MRM1: variants seen among roughly 807,000 people sequenced by gnomAD.
The protein encoded by MRM1 is mitochondrial rRNA methyltransferase 1.
MRM1 carries 24 observed loss-of-function variants against 25.0 expected under a neutral mutation model. That is an observed-to-expected ratio of 0.96 (90% CI 0.69 to 1.35). The LOEUF (loss-of-function observed/expected upper bound fraction) is 1.35, where lower values mean the gene tolerates loss of function less well. Among genes scored for constraint, MRM1 ranks in the 40% most tolerant of loss-of-function variants. MRM1 has a pLI of 0.00. For missense variants in MRM1, 431 were observed against 464.1 expected, an observed-to-expected ratio of 0.93 and a Z score of 0.65; for synonymous variants, 188 against 199.2, an observed-to-expected ratio of 0.94 and a Z score of 0.47.
the MRM1 span, among the ~76,000 whole-genome samples, chr17:36,619,727 C>T: frequency 6.6e-6 from 1 of 151,514 alleles, no homozygotes; most frequent in Admixed American, 6.6e-5. Flanking sequence ...AGTGGGATTG[C>T]TGATCCGATT....
At chr17:36,606,685 G>T (rs1402968808) in intron 2 of MRM1, among the ~76,000 whole-genome samples, 1 of 149,522 alleles carries the variant, frequency 6.7e-6, no homozygotes. Flanking sequence ...TCAGCTCACT[G>T]CAACCTCCGC....
At chr17:36,617,018 C>T in the MRM1 span, among the ~76,000 whole-genome samples, 2 of 152,126 alleles carry the variant, frequency 1.3e-5, no homozygotes, top group Non-Finnish European at 2.9e-5. Context: ...GAACCACCGC[C>T]CAGGCTTTCC....
At chr17:36,629,297 A>G in the MRM1 span, among the ~76,000 whole-genome samples, 7 of 152,216 alleles carry the variant, frequency 4.6e-5, no homozygotes, top group Non-Finnish European at 1.0e-4. Context: ...GACTGGAGGA[A>G]AAGTGTCATC....
the MRM1 span, among the ~76,000 whole-genome samples, chr17:36,622,010 G>A: frequency 6.6e-6 from 1 of 152,102 alleles, no homozygotes; most frequent in Non-Finnish European, 1.5e-5. Flanking sequence ...GTACAGGTGT[G>A]TTTGCGTGAC....
At chr17:36,624,121 G>T in the MRM1 span, among the ~76,000 whole-genome samples, 3 of 152,280 alleles carry the variant, frequency 2.0e-5, no homozygotes, top group East Asian at 5.8e-4. The surrounding 1 kb of genome is among the most constrained non-coding windows in gnomAD (Gnocchi z 4.0). Flanking sequence ...TGTGAAACAA[G>T]CACCGCCACC....
intron 2 of MRM1, among the ~76,000 whole-genome samples, chr17:36,604,539 G>A (rs1304797321): frequency 6.6e-6 from 1 of 152,044 alleles, no homozygotes; most frequent in Non-Finnish European, 1.5e-5. Flanking sequence ...GGGCACAATG[G>A]CTCACGCATG....
At chr17:36,612,978 G>T (rs1368458152), downstream of MRM1, among the ~76,000 whole-genome samples, 1 of 152,120 alleles carries the variant, frequency 6.6e-6, no homozygotes, top group Non-Finnish European at 1.5e-5. Context: ...TTTACCACTG[G>T]GAACTGCTGG....
At chr17:36,631,255 G>A in the MRM1 span, among the ~76,000 whole-genome samples, 1 of 152,232 alleles carries the variant, frequency 6.6e-6, no homozygotes, top group Non-Finnish European at 1.5e-5. Flanking sequence ...TGCCCTGCCT[G>A]TTACCACGGG....
chr17:36,607,908 G>C lies in MRM1; in HGVS notation c.779G>C (p.Gly260Ala). The change falls in exon 4 of 5, where the codon GGC becomes GCC. Residue 260 changes from glycine (G) to alanine (A), a missense_variant. Physicochemically the swap from Gly to Ala is moderately conservative, Grantham distance 60 (BLOSUM62 0). Transcript: ENST00000614766. Reference protein sequence around the residue: ...RPTLLVLGNEGSGLSQEVQAS... With the variant: ...RPTLLVLGNEASGLSQEVQAS... Reference sequence around the variant, plus strand: ...GCCCCACGCCCTGCAGGGAATGAGGGCTCAGGTCTATCCCAGGAGGTGCAG... The same window carrying C: ...GCCCCACGCCCTGCAGGGAATGAGGCCTCAGGTCTATCCCAGGAGGTGCAG... 1 of 1,614,022 alleles carries C rather than the reference G, an allele frequency of 6.2e-7. No homozygotes were observed. Among genetic ancestry groups the C allele is most frequent in the Non-Finnish European group, 8.5e-7 (1 of 1,179,950 alleles).
At chr17:36,628,565 C>T in the MRM1 span, among the ~76,000 whole-genome samples, 6 of 152,162 alleles carry the variant, frequency 3.9e-5, 1 homozygote, top group African/African-American at 1.4e-4. Context: ...TGCAGTGTGG[C>T]CAGTGCTCCG....
chr17:36,633,826 G>A, the MRM1 span, among the ~76,000 whole-genome samples: 80 of 152,252 alleles, frequency 5.3e-4, no homozygotes, highest in Non-Finnish European at 1.2e-4. Context: ...GGCTGATTCC[G>A]CTGTGCCTCC....
chr17:36,610,235 A>T (rs960903318), downstream of MRM1, among the ~76,000 whole-genome samples: 3 of 108,084 alleles, frequency 2.8e-5, no homozygotes, highest in African/African-American at 1.2e-4. Flanking sequence ...AGGGCCTAAG[A>T]TCTTTTTTTT....
At chr17:36,607,407 A>C (rs1176230009) in intron 2 of MRM1, among the ~76,000 whole-genome samples, 1 of 151,900 alleles carries the variant, frequency 6.6e-6, no homozygotes, top group Non-Finnish European at 1.5e-5. Context: ...GATCGCTTGA[A>C]GCCAGGAGTT....
chr17:36,607,227 G>A (rs575795752), intron 2 of MRM1, among the ~76,000 whole-genome samples: 2 of 151,490 alleles, frequency 1.3e-5, no homozygotes, highest in South Asian at 2.1e-4. Flanking sequence ...GGCTAGTTTT[G>A]AACTCCTGAC....
At chr17:36,607,390 G>A (rs952625040) in intron 2 of MRM1, among the ~76,000 whole-genome samples, 2 of 152,088 alleles carry the variant, frequency 1.3e-5, no homozygotes, top group Non-Finnish European at 2.9e-5. Flanking sequence ...GGAGGCCAAG[G>A]TGGGAGGATC....
rs2074889210 is a variant in MRM1 at position 36,602,617 on chromosome 17, T to A, written c.607T>A (p.Ser203Thr). The stretch of plus-strand genomic sequence containing the variant: ...GGCTATGGAGGTGATGGACGTGTTC[T>A]CCACTGATGACCTCACCGGATTTTT... The part of the protein sequence containing the change: ...AGAMEVMDVF[S>T]TDDLTGFLQT... The change falls in exon 2 of 5, where the codon TCC (serine) becomes ACC (threonine). Residue 203 changes from serine to threonine, a missense_variant. Coordinates refer to ENST00000614766, the MANE Select transcript of MRM1 (RefSeq NM_024864.5). This position sits in a 1 kb window ranked among gnomAD's most constrained non-coding sequence, Gnocchi z 4.1. The A allele has an allele frequency of 1.2e-6, 2 of 1,614,010 alleles. No individual in the cohort carries two copies. Among genetic ancestry groups the A allele is most frequent in the Admixed American group, 3.3e-5 (2 of 59,990 alleles).
the MRM1 span, among the ~76,000 whole-genome samples, chr17:36,625,539 G>C: frequency 7.6e-6 from 1 of 130,920 alleles, no homozygotes; most frequent in Non-Finnish European, 1.5e-5. Context: ...TCGGCTCACT[G>C]CAAACTCCGC....
the MRM1 span, among the ~76,000 whole-genome samples, chr17:36,633,136 C>A: frequency 6.6e-6 from 1 of 152,166 alleles, no homozygotes; most frequent in Non-Finnish European, 1.5e-5. Flanking sequence ...TCTCCTTCAC[C>A]GCGGGGATCA....
rs760039408 is a variant in MRM1, at chr17:36,607,968, G to A, written c.839G>A (p.Arg280Gln). The A allele has an allele frequency of 3.2e-5, 51 of 1,614,024 alleles. No homozygotes were observed. The highest frequency in any genetic ancestry group is 4.2e-5 in the Non-Finnish European group (49 of 1,180,046). The stretch of plus-strand genomic sequence containing the variant: ...CAGCTTCTCCTCACCATCCTGCCCC[G>A]GCGCCAGCTGCCTCCTGGACTTGAG... ...SCQLLLTILPRRQLPPGLESL... is the reference protein window; with the variant it reads ...SCQLLLTILPQRQLPPGLESL... The change falls in exon 4 of 5, where the codon CGG becomes CAG. Residue 280 changes from arginine (R) to glutamine (Q), a missense_variant. Physicochemically the swap from Arg to Gln is conservative, Grantham distance 43 (BLOSUM62 1). Coordinates refer to ENST00000614766, the MANE Select transcript of MRM1 (RefSeq NM_024864.5).
Sources: allele counts gnomAD v4.1 joint callset (sites outside exome capture counted in the v4.1 genomes callset), GRCh38; gene constraint gnomAD v4.1.1; non-coding constraint Gnocchi (gnomAD v3.1); transcripts MANE v1.5; gene names NCBI Gene and HGNC (gene_info 2026-07-23, HGNC 2026-07-21).